The following MYO1D variants were observed in gnomAD, a reference collection of about 807,000 sequenced individuals.
MYO1D encodes unconventional myosin-Id.
MYO1D carries 83 observed loss-of-function variants against 122.0 expected under a neutral mutation model. That is an observed-to-expected ratio of 0.68 (90% CI 0.57 to 0.82). The LOEUF (loss-of-function observed/expected upper bound fraction) is 0.82. MYO1D is among the 40% of genes least tolerant of loss of function. The probability of loss-of-function intolerance (pLI) is 0.00; values close to 1 mark genes in which losing one functional copy is unlikely to be tolerated. For missense variants in MYO1D, 1,157 were observed against 1,269.5 expected (o/e 0.91, Z 1.35); for synonymous variants, 464 against 446.9 (o/e 1.04, Z -0.48).
intron 16 of MYO1D, among the ~76,000 whole-genome samples, chr17:32,709,702 G>A (rs1344692903): frequency 6.6e-6 from 1 of 151,870 alleles, no homozygotes; most frequent in East Asian, 1.9e-4. Context: ...TTGGCAACTG[G>A]AAGAAAAAAT....
chr17:32,683,210 T>C (rs1243643518), intron 16 of MYO1D, among the ~76,000 whole-genome samples: 2,117 of 150,562 alleles, frequency 0.014, 48 homozygotes, highest in African/African-American at 0.05. Context: ...TCCCGTAGCT[T>C]AGAGTAATTT....
intron 14 of MYO1D, among the ~76,000 whole-genome samples, chr17:32,722,702 G>T (rs944555396): frequency 6.6e-6 from 1 of 152,122 alleles, no homozygotes; most frequent in African/African-American, 2.4e-5. Flanking sequence ...ATAGGTTCTG[G>T]GGATTAGGAT....
intron 21 of MYO1D, among the ~76,000 whole-genome samples, chr17:32,540,923 C>CAAAA (rs33945323): frequency 1.1e-4 from 9 of 83,838 alleles, no homozygotes; most frequent in Non-Finnish European, 1.3e-4. Flanking sequence ...GACTTCGTCT[C>CAAAA]AAAAAAAAAA....
chr17:32,570,238 T>C (rs1274789053), intron 21 of MYO1D, among the ~76,000 whole-genome samples: 1 of 152,212 alleles, frequency 6.6e-6, no homozygotes, highest in East Asian at 1.9e-4. Context: ...GGAGTTATCA[T>C]GTAATCAGTC....
At chr17:32,673,449 A>G (rs1223763245) in intron 16 of MYO1D, among the ~76,000 whole-genome samples, 1 of 152,134 alleles carries the variant, frequency 6.6e-6, no homozygotes, top group Non-Finnish European at 1.5e-5. Flanking sequence ...CAGTTTGGGG[A>G]AACAGTTTTG....
At chr17:32,876,579 G>A (rs2151097143) in intron 1 of MYO1D, among the ~76,000 whole-genome samples, 199 bp downstream of exon 1, 1 of 152,154 alleles carries the variant, frequency 6.6e-6, no homozygotes, top group African/African-American at 2.4e-5. Flanking sequence ...GCACCCCAAA[G>A]CGGCCGCACC....
intron 16 of MYO1D, among the ~76,000 whole-genome samples, chr17:32,685,248 T>C (rs1326731405): frequency 6.6e-6 from 1 of 152,194 alleles, no homozygotes; most frequent in Admixed American, 6.5e-5. Context: ...AACTCAAGTA[T>C]TGTATACTGG....
chr17:32,628,238 G>C (rs1333866433), intron 20 of MYO1D, among the ~76,000 whole-genome samples: 4 of 152,048 alleles, frequency 2.6e-5, no homozygotes, highest in Non-Finnish European at 5.9e-5. Context: ...AAATATACCT[G>C]GTGACTCAAA....
chr17:32,605,220 T>C lies in MYO1D; in HGVS notation c.2731A>G (p.Asn911Asp), dbSNP rs747682143. The change falls in exon 21 of 22, where the codon AAT becomes GAT. Residue 911 changes from asparagine (N) to aspartate (D), a missense_variant. Physicochemically the swap from Asn to Asp is conservative, Grantham distance 23 (BLOSUM62 1). Transcript: ENST00000318217. ...AACACTACAAGTTGGTCCTTTCCAT[T>C]GGAGACACTCAGACCAGTCAACTGC... The part of the protein sequence containing the change: ...LYNLTGLSVS[N>D]GKDQLVVFHT... The C allele has an allele frequency of 1.3e-5, 20 of 1,584,144 alleles. No individual in the cohort carries two copies. Among genetic ancestry groups the C allele is most frequent in the Non-Finnish European group, 1.7e-5 (20 of 1,157,690 alleles).
At chr17:32,594,759 T>C (rs2087475055) in intron 21 of MYO1D, among the ~76,000 whole-genome samples, 1 of 152,228 alleles carries the variant, frequency 6.6e-6, no homozygotes, top group Non-Finnish European at 1.5e-5. Flanking sequence ...ACAGCCCACC[T>C]GTTTGTAGCC....
chr17:32,833,228 T>C (rs1233075431), intron 1 of MYO1D, among the ~76,000 whole-genome samples: 1 of 152,192 alleles, frequency 6.6e-6, no homozygotes, highest in African/African-American at 2.4e-5. Flanking sequence ...GTAAAGTATG[T>C]CCAGAATCCA....
chr17:32,790,356 C>G (rs1393003275), intron 1 of MYO1D, among the ~76,000 whole-genome samples: 1 of 152,196 alleles, frequency 6.6e-6, no homozygotes, highest in African/African-American at 2.4e-5. Flanking sequence ...CTTTATTCAT[C>G]TAAATTCCCC....
intron 1 of MYO1D, among the ~76,000 whole-genome samples, chr17:32,796,516 G>A (rs1001978232): frequency 5.9e-5 from 9 of 152,104 alleles, no homozygotes; most frequent in African/African-American, 2.2e-4. Context: ...AAGCTTAAGT[G>A]ATCCTCCCAC....
chr17:32,810,197 G>C (rs566078087), intron 1 of MYO1D, among the ~76,000 whole-genome samples: 14 of 152,226 alleles, frequency 9.2e-5, no homozygotes, highest in African/African-American at 3.4e-4. Context: ...GGGTGAGGAA[G>C]CTGCAGAGAA....
intron 1 of MYO1D, among the ~76,000 whole-genome samples, chr17:32,867,946 A>C (rs1023693264): frequency 3.9e-5 from 6 of 152,098 alleles, no homozygotes; most frequent in African/African-American, 1.2e-4. Context: ...CTAGACTTAA[A>C]GTCTATTACC....
intron 1 of MYO1D, among the ~76,000 whole-genome samples, chr17:32,789,747 A>G (rs2151035254): frequency 6.6e-6 from 1 of 152,324 alleles, no homozygotes; most frequent in Middle Eastern, 3.4e-3. Context: ...GGCAGAGACT[A>G]GAAGAAGAAT....
intron 11 of MYO1D, among the ~76,000 whole-genome samples, chr17:32,753,416 T>A (rs571364336): frequency 8.6e-5 from 13 of 152,028 alleles, no homozygotes; most frequent in African/African-American, 3.1e-4. Flanking sequence ...AATAAACAAA[T>A]AAATAATCAC....
At chr17:32,504,339 C>A (rs1281781605) in intron 21 of MYO1D, among the ~76,000 whole-genome samples, 1 of 152,226 alleles carries the variant, frequency 6.6e-6, no homozygotes, top group Non-Finnish European at 1.5e-5. Context: ...CCATTCTTCC[C>A]TTCCCTGCCC....
At chr17:32,868,852 C>T (rs924387759) in intron 1 of MYO1D, among the ~76,000 whole-genome samples, 1 of 152,122 alleles carries the variant, frequency 6.6e-6, no homozygotes, top group African/African-American at 2.4e-5. Flanking sequence ...CTATTGGAAG[C>T]ATACTTTTGA....
Sources: allele counts gnomAD v4.1 joint callset (sites outside exome capture counted in the v4.1 genomes callset), GRCh38; gene constraint gnomAD v4.1.1; transcripts MANE v1.5; gene names NCBI Gene and HGNC (gene_info 2026-07-23, HGNC 2026-07-21).